The following SATB2 variants were observed in gnomAD, a reference collection of about 807,000 sequenced individuals.
SATB2 encodes SATB homeobox 2.
In SATB2, 1 loss-of-function variant was observed where a neutral mutation model predicts 73.4. That is an observed-to-expected ratio of 0.01 (90% CI 0.00 to 0.06). The LOEUF (loss-of-function observed/expected upper bound fraction) is 0.06, where lower values mean the gene tolerates loss of function less well. Among genes scored for constraint, SATB2 ranks in the 10% least tolerant of loss-of-function variants. The pLI is 1.00. For synonymous variants in SATB2, 397 were observed against 367.0 expected (o/e 1.08, Z -0.93); for missense variants, 459 against 945.8 (o/e 0.49, Z 6.75).
intron 6 of SATB2, among the ~76,000 whole-genome samples, chr2:199,359,598 A>C: frequency 6.6e-6 from 1 of 152,280 alleles, no homozygotes; most frequent in South Asian, 2.1e-4. Context: ...TATTCAAATA[A>C]GTTCATCTAT....
intron 9 of SATB2, among the ~76,000 whole-genome samples, chr2:199,315,968 T>G (rs1259510816): frequency 6.6e-6 from 1 of 152,084 alleles, no homozygotes; most frequent in African/African-American, 2.4e-5. Flanking sequence ...ACTCATAGAT[T>G]CTTGCAGCAG....
intron 2 of SATB2, among the ~76,000 whole-genome samples, chr2:199,448,600 T>G (rs6752494): frequency 6.6e-6 from 1 of 152,116 alleles, no homozygotes; most frequent in South Asian, 2.1e-4. Flanking sequence ...TGGAAAACAT[T>G]TGCTCTAACT....
chr2:199,277,455 G>A (rs940828372), intron 10 of SATB2, among the ~76,000 whole-genome samples: 4 of 152,102 alleles, frequency 2.6e-5, no homozygotes. Context: ...TTCTGTAAGG[G>A]TAACTATCCA....
At chr2:199,426,382 G>A (rs1327441746) in intron 3 of SATB2, among the ~76,000 whole-genome samples, 18 of 151,938 alleles carry the variant, frequency 1.2e-4, no homozygotes, top group South Asian at 2.1e-4. Flanking sequence ...TCCTCCTCCC[G>A]GGTTCAAGTG....
chr2:199,444,261 C>G (rs1691902834), intron 2 of SATB2, among the ~76,000 whole-genome samples: 1 of 151,918 alleles, frequency 6.6e-6, no homozygotes, highest in South Asian at 2.1e-4. Flanking sequence ...AGGCTATCAC[C>G]CAGCCAATGA....
At chr2:199,289,366 G>A (rs567882886) in intron 10 of SATB2, among the ~76,000 whole-genome samples, 2 of 152,110 alleles carry the variant, frequency 1.3e-5, no homozygotes, top group Non-Finnish European at 2.9e-5. Context: ...AGAAATCTCA[G>A]TTCCTAATTC....
chr2:199,294,434 C>A (rs1384299527), intron 10 of SATB2, among the ~76,000 whole-genome samples: 2 of 152,144 alleles, frequency 1.3e-5, no homozygotes, highest in African/African-American at 4.8e-5. Context: ...GCATTTGATC[C>A]AGGTTATGTT....
intron 7 of SATB2, chr2:199,347,788 T>G (rs1688698029): frequency 1.3e-5 from 2 of 152,256 alleles, no homozygotes; most frequent in Admixed American, 6.5e-5. Flanking sequence ...TTTTCACCAC[T>G]AGATCGTTAG....
At chr2:199,444,278 T>A (rs1691903382) in intron 2 of SATB2, among the ~76,000 whole-genome samples, 1 of 152,258 alleles carries the variant, frequency 6.6e-6, no homozygotes. Context: ...ATGAAAGAGT[T>A]ATTCCACTTT....
intron 2 of SATB2, among the ~76,000 whole-genome samples, chr2:199,438,615 G>A (rs1401360195): frequency 3.9e-5 from 6 of 152,182 alleles, no homozygotes; most frequent in South Asian, 2.1e-4. Flanking sequence ...TGAGGAATGC[G>A]TATTCTGGAA....
In SATB2 at chr2:199,391,929, T is replaced by A. The variant is rs1273769272; in HGVS notation, c.347-10109A>T. On this transcript the variant is annotated intron_variant, in intron 3 of 10. Coordinates refer to ENST00000417098, the MANE Select transcript of SATB2 (RefSeq NM_001172509.2). The stretch of plus-strand genomic sequence containing the variant: ...TCCTGTGGCAGCTGGACCACACAGT[T>A]AGAGATAATCTGGAGGGTAGAAGAG... Among the ~76,000 whole-genome samples the A allele has an allele frequency of 5.3e-5, 8 of 152,326 alleles. No homozygotes were observed. In the East Asian group the frequency reaches 1.5e-3, roughly 29 times the overall value.
chr2:199,310,851 C>T (rs767329458), intron 9 of SATB2, among the ~76,000 whole-genome samples: 2 of 152,160 alleles, frequency 1.3e-5, no homozygotes, highest in Admixed American at 6.5e-5. Flanking sequence ...TGTGGGAAGC[C>T]GCAGCTTGAA....
intron 10 of SATB2, among the ~76,000 whole-genome samples, chr2:199,283,230 C>A (rs957124553): frequency 6.7e-6 from 1 of 150,094 alleles, no homozygotes; most frequent in East Asian, 2.0e-4. Context: ...AATACAGGCG[C>A]CCGCCACCAT....
chr2:199,345,209 A>G (rs1011168954), intron 7 of SATB2, among the ~76,000 whole-genome samples: 1 of 151,874 alleles, frequency 6.6e-6, no homozygotes, highest in Non-Finnish European at 1.5e-5. Context: ...AGGCTCTGTG[A>G]CAACATCTCT....
chr2:199,344,863 A>T (rs1261251114), intron 7 of SATB2, among the ~76,000 whole-genome samples: 2 of 152,054 alleles, frequency 1.3e-5, no homozygotes, highest in Admixed American at 6.6e-5. Context: ...ATCACTCTTT[A>T]ACTCCTGAAT....
At position 199,455,851 on chromosome 2, in the gene SATB2, C is replaced by T. The variant is rs1352165228; in HGVS notation, c.169+18G>A. 6 of 1,535,118 alleles carry T rather than the reference C, an allele frequency of 3.9e-6. No homozygotes were observed. The African/African-American group carries it at 4.1e-5, about 11-fold the overall frequency. On this transcript the variant is annotated intron_variant, in intron 2 of 10. Transcript: ENST00000417098. This position sits in a 1 kb window ranked among gnomAD's most constrained non-coding sequence, Gnocchi z 4.1. ...CACTGGGCCGCGGGCTGCGCGCCTCCCTGCTCCGGGCTGTTACCTCCCACG... is the reference window on the plus strand; with the variant it reads ...CACTGGGCCGCGGGCTGCGCGCCTCTCTGCTCCGGGCTGTTACCTCCCACG...
chr2:199,443,021 ATTTTT>A (rs10673737), intron 2 of SATB2, among the ~76,000 whole-genome samples: 1 of 133,588 alleles, frequency 7.5e-6, no homozygotes, highest in African/African-American at 2.8e-5. Flanking sequence ...GTTTCTGAGA[ATTTTT>A]TTTTTTTTTT....
intron 7 of SATB2, among the ~76,000 whole-genome samples, chr2:199,334,229 G>A (rs1229701875): frequency 1.3e-5 from 2 of 152,050 alleles, no homozygotes; most frequent in Non-Finnish European, 2.9e-5. Context: ...CACTTCTTTA[G>A]AAACATTTGG....
chr2:199,272,789 T>C lies in SATB2; in HGVS notation c.1741-117A>G. 1.0e-6 allele frequency: 1 copy of C among 968,690 alleles called. No homozygotes were observed. The highest frequency in any genetic ancestry group is 1.6e-6 in the Non-Finnish European group (1 of 613,758). The allele number at this position is 968,690 out of a possible 1,614,324, so 60.0% of individuals were successfully genotyped here. Reference sequence around the variant, plus strand: ...GCACTGGAGGTAAGCTATAGTCATTTGTAAAGTCAGGTCTTTGGAAAGCTT... The same window carrying C: ...GCACTGGAGGTAAGCTATAGTCATTCGTAAAGTCAGGTCTTTGGAAAGCTT... On this transcript the variant is annotated intron_variant, in intron 10 of 10. Transcript: ENST00000417098. The surrounding 1 kb of genome is among the most constrained non-coding windows in gnomAD (Gnocchi z 6.7).
Sources: allele counts gnomAD v4.1 joint callset (sites outside exome capture counted in the v4.1 genomes callset), GRCh38; gene constraint gnomAD v4.1.1; non-coding constraint Gnocchi (gnomAD v3.1); transcripts MANE v1.5; gene names NCBI Gene and HGNC (gene_info 2026-07-23, HGNC 2026-07-21).